Variants in ASTN2 observed in about 807,000 individuals in gnomAD.
ASTN2 encodes the protein astrotactin 2.
A neutral mutation model predicts 139.8 loss-of-function variants in ASTN2; 54 were observed. The ratio of observed to expected loss-of-function variants is 0.39; its 90% CI spans 0.31 to 0.48. The LOEUF is 0.48. Among genes scored for constraint, ASTN2 ranks in the 20% least tolerant of loss-of-function variants. The pLI is 0.95. For missense variants in ASTN2, 1,565 were observed against 1,725.1 expected (o/e 0.91, Z 1.64); for synonymous variants, 756 against 719.5 (o/e 1.05, Z -0.81).
At chr9:116,627,312 A>G (rs1856515031) in intron 17 of ASTN2, among the ~76,000 whole-genome samples, 1 of 152,142 alleles carries the variant, frequency 6.6e-6, no homozygotes, top group African/African-American at 2.4e-5. Flanking sequence ...CAGAAGCTAG[A>G]GGGCTCTGAA....
intron 4 of ASTN2, among the ~76,000 whole-genome samples, chr9:117,113,811 A>G (rs781636973): frequency 3.3e-5 from 5 of 152,208 alleles, no homozygotes; most frequent in Non-Finnish European, 7.3e-5. Context: ...GAAAAGACAA[A>G]TCTAATCTAT....
chr9:116,907,905 C>A (rs1234403252), intron 10 of ASTN2, among the ~76,000 whole-genome samples: 1 of 152,136 alleles, frequency 6.6e-6, no homozygotes, highest in African/African-American at 2.4e-5. Context: ...TTGCTCATTA[C>A]TGAAGGCTGT....
intron 11 of ASTN2, among the ~76,000 whole-genome samples, chr9:116,839,857 T>TATTATTA (rs1564297029): frequency 9.8e-6 from 1 of 101,594 alleles, no homozygotes; most frequent in African/African-American, 4.0e-5. Context: ...TTTATTTTAT[T>TATTATTA]TCATTATTAT....
rs187064784 is a variant in ASTN2, at chr9:117,384,181, T to C, written c.442+30316A>G. On this transcript the variant is annotated intron_variant, in intron 1 of 22. Coordinates refer to ENST00000313400, the MANE Select transcript of ASTN2 (RefSeq NM_001365068.1). ...TAGTCCTTGGAAGGTGAGCAGGCAG[T>C]GTGGCCATATAGGATTATGCTGGGT... is the stretch of plus-strand genomic sequence containing the variant. 5.7e-3 allele frequency among the ~76,000 whole-genome samples: 862 copies of C among 152,230 alleles called. 33 individuals are homozygous for C. Among genetic ancestry groups the C allele is most frequent in the Non-Finnish European group, 8.8e-4 (60 of 68,018 alleles).
At chr9:116,827,074 C>A (rs1402216859) in intron 11 of ASTN2, among the ~76,000 whole-genome samples, 1 of 151,962 alleles carries the variant, frequency 6.6e-6, no homozygotes, top group Non-Finnish European at 1.5e-5. Context: ...CTTTGGGAGG[C>A]TGAGGTGGGC....
At chr9:117,264,808 G>A (rs1833905092) in intron 2 of ASTN2, among the ~76,000 whole-genome samples, 2 of 152,224 alleles carry the variant, frequency 1.3e-5, no homozygotes, top group Admixed American at 1.3e-4. Flanking sequence ...GACCTGGTAG[G>A]TGGGAAGTAA....
Position 117,096,022 on chromosome 9 carries a change from AACCTTCCAAGGACACT to A in ASTN2, c.1276+6_1276+21del, listed in dbSNP as rs746545596. Reference sequence around the variant, plus strand: ...TTCCTTCTACAAACTCTGGTTCTGGAACCTTCCAAGGACACTATTACCTTTGCTGCGGCGGCGACTG... The same window carrying A: ...TTCCTTCTACAAACTCTGGTTCTGGAATTACCTTTGCTGCGGCGGCGACTG... On this transcript the variant is annotated splice_donor_region_variant and intron_variant, in intron 5 of 22. Transcript: ENST00000313400. 3 of 1,606,890 alleles carry A rather than the reference AACCTTCCAAGGACACT, an allele frequency of 1.9e-6. No homozygotes were observed. The African/African-American group carries it at 4.0e-5, about 22-fold the overall frequency.
chr9:117,399,215 A>G (rs1007706597), intron 1 of ASTN2, among the ~76,000 whole-genome samples: 2 of 152,214 alleles, frequency 1.3e-5, no homozygotes, highest in African/African-American at 4.8e-5. Context: ...CATGCAATCA[A>G]CAATATTTCT....
chr9:116,485,688 T>C (rs895544775), intron 20 of ASTN2, among the ~76,000 whole-genome samples: 2 of 152,218 alleles, frequency 1.3e-5, no homozygotes, highest in Admixed American at 6.5e-5. Flanking sequence ...CTGGAAGACG[T>C]GGAATTGCAT....
chr9:117,232,111 A>G (rs1410981736), intron 2 of ASTN2, among the ~76,000 whole-genome samples: 1 of 152,168 alleles, frequency 6.6e-6, no homozygotes, highest in African/African-American at 2.4e-5. Context: ...CTGCTACAAA[A>G]GTAACAGCAA....
At chr9:117,141,565 A>C in intron 3 of ASTN2, 87 bp from the exon 4 acceptor site, 1 of 1,220,146 alleles carries the variant, frequency 8.2e-7, no homozygotes, top group Non-Finnish European at 1.1e-6. Context: ...GCTTGAGCCC[A>C]CCTTCAGCCC....
At chr9:116,832,332 C>T (rs771009008) in intron 11 of ASTN2, among the ~76,000 whole-genome samples, 1 of 151,900 alleles carries the variant, frequency 6.6e-6, no homozygotes, top group South Asian at 2.1e-4. Flanking sequence ...TATCTGAATG[C>T]CTTCTTCCTT....
rs372113456 is a variant in ASTN2 at position 116,900,840 on chromosome 9, C to A, written c.1890-37107G>T. 7.2e-5 allele frequency among the ~76,000 whole-genome samples: 11 copies of A among 152,268 alleles called. No individual in the cohort carries two copies. In the East Asian group the frequency reaches 1.4e-3, roughly 19 times the overall value. On this transcript the variant is annotated intron_variant, in intron 10 of 22. Transcript: ENST00000313400. ...TAAGTGGGAGGGGACAGCACATTTA[C>A]TTTGTAAAGCAATAAGGAGACTGCT...
At chr9:116,573,668 A>G (rs1352849830) in intron 19 of ASTN2, among the ~76,000 whole-genome samples, 2 of 152,162 alleles carry the variant, frequency 1.3e-5, no homozygotes. Flanking sequence ...GTTTTAGTTA[A>G]TCTCTTTGGA....
At chr9:117,007,613 A>G (rs1463523304) in intron 7 of ASTN2, among the ~76,000 whole-genome samples, 1 of 152,170 alleles carries the variant, frequency 6.6e-6, no homozygotes, top group Non-Finnish European at 1.5e-5. Context: ...TGTCTTCCCA[A>G]TACCTAAAAA....
chr9:116,488,789 T>C (rs2119088951), intron 19 of ASTN2, among the ~76,000 whole-genome samples: 1 of 152,330 alleles, frequency 6.6e-6, no homozygotes, highest in South Asian at 2.1e-4. Context: ...TGGGCACTTT[T>C]TCTATCTTAT....
chr9:116,585,895 C>A (rs964328068), intron 19 of ASTN2: 2 of 152,066 alleles, frequency 1.3e-5, no homozygotes, highest in African/African-American at 4.8e-5. Context: ...AGAAAATATT[C>A]AAACTATGCA....
At chr9:116,725,135 G>C (rs1162348089) in intron 16 of ASTN2, among the ~76,000 whole-genome samples, 1 of 152,206 alleles carries the variant, frequency 6.6e-6, no homozygotes, top group African/African-American at 2.4e-5. Context: ...TTCACAGGAA[G>C]AGAAAATTGA....
intron 5 of ASTN2, among the ~76,000 whole-genome samples, chr9:117,093,781 G>A (rs972139077): frequency 6.6e-6 from 1 of 152,032 alleles, no homozygotes; most frequent in Non-Finnish European, 1.5e-5. Flanking sequence ...TAGCAGCTGC[G>A]GCAGCAACAA....
Sources: gnomAD v4.1 joint callset for allele counts (sites outside exome capture counted in the v4.1 genomes callset) on GRCh38, gnomAD v4.1.1 for gene constraint, MANE v1.5 for transcripts, NCBI Gene and HGNC (gene_info 2026-07-23, HGNC 2026-07-21) for gene names.